DMD: variants seen among roughly 807,000 people sequenced by gnomAD.
DMD encodes the protein mutant dystrophin.
A neutral mutation model predicts 330.1 loss-of-function variants in DMD; 63 were observed. The observed-to-expected ratio is 0.19, with a 90% confidence interval of 0.16 to 0.24. The LOEUF (loss-of-function observed/expected upper bound fraction) is 0.24. DMD is among the 10% of genes least tolerant of loss of function. The pLI is 1.00. For synonymous variants in DMD, 1,223 were observed against 959.8 expected (o/e 1.27, Z -5.07); for missense variants, 3,344 against 2,684.1 (o/e 1.25, Z -5.43).
chrX:32,492,433 C>T (rs867522473), intron 19 of DMD, among the ~76,000 whole-genome samples: 1 of 112,422 alleles, frequency 8.9e-6, no homozygotes, highest in Non-Finnish European at 1.9e-5. Flanking sequence ...AGAAGTTGAT[C>T]TCAAAGTTTT....
At chrX:32,516,649 G>C (rs1249332622) in intron 18 of DMD, 1 of 111,441 alleles carries the variant, frequency 9.0e-6, no homozygotes, top group South Asian at 3.7e-4. Context: ...TGCTAAAGGT[G>C]ATTCATACTT....
At chrX:32,974,716 G>C (rs930079996) in intron 2 of DMD, among the ~76,000 whole-genome samples, 1 of 111,498 alleles carries the variant, frequency 9.0e-6, no homozygotes, top group Non-Finnish European at 1.9e-5. Context: ...GATTCAACAA[G>C]TTTTATTGTG....
intron 9 of DMD, among the ~76,000 whole-genome samples, chrX:32,664,145 T>G (rs2061130519): frequency 1.8e-5 from 2 of 110,890 alleles, no homozygotes; most frequent in South Asian, 7.7e-4. Flanking sequence ...GCTATTTCAC[T>G]AATTTAGACC....
At chrX:32,797,532 C>T (rs2076263159) in intron 7 of DMD, among the ~76,000 whole-genome samples, 1 of 112,424 alleles carries the variant, frequency 8.9e-6, no homozygotes, top group Non-Finnish European at 1.9e-5. Context: ...CTATAGAACA[C>T]TTTTCTGAAT....
chrX:32,647,604 T>G (rs1485641198), intron 9 of DMD, among the ~76,000 whole-genome samples: 1 of 112,067 alleles, frequency 8.9e-6, no homozygotes, highest in East Asian at 2.8e-4. Context: ...ATCTTGTGAC[T>G]TTGGGAGTTA....
At chrX:32,457,748 G>C (rs996425429) in intron 25 of DMD, among the ~76,000 whole-genome samples, 1 of 109,892 alleles carries the variant, frequency 9.1e-6, no homozygotes, top group Admixed American at 9.8e-5. Context: ...TTAGAGATCT[G>C]ACGAAAGAGA....
chrX:31,952,186 T>G (rs767671396), intron 45 of DMD, among the ~76,000 whole-genome samples: 1 of 111,554 alleles, frequency 9.0e-6, no homozygotes, highest in African/African-American at 3.2e-5. Flanking sequence ...ACTCTTATGT[T>G]TTAGGGTATT....
At chrX:32,741,467 G>A (rs555242970) in intron 7 of DMD, among the ~76,000 whole-genome samples, 8 of 111,415 alleles carry the variant, frequency 7.2e-5, no homozygotes, top group African/African-American at 2.6e-4. Flanking sequence ...GCCAGACTTG[G>A]CACATATATT....
At chrX:32,640,813 C>A (rs1379048154) in intron 11 of DMD, among the ~76,000 whole-genome samples, 1 of 111,253 alleles carries the variant, frequency 9.0e-6, no homozygotes, top group Admixed American at 9.6e-5. Flanking sequence ...CTTGACCTAT[C>A]TCTCACCTAC....
chrX:31,127,325 A>G (rs148455168), intron 77 of DMD, among the ~76,000 whole-genome samples: 1 of 112,260 alleles, frequency 8.9e-6, no homozygotes, highest in East Asian at 2.8e-4. Flanking sequence ...CAATTCAGCA[A>G]ATATCAGGAG....
chrX:32,793,851 C>T (rs965239447), intron 7 of DMD, among the ~76,000 whole-genome samples: 8 of 110,979 alleles, frequency 7.2e-5, no homozygotes, highest in African/African-American at 2.6e-4. Flanking sequence ...GTAAGTGTTC[C>T]AAGAAAAATT....
chrX:31,145,912 C>T (rs2036635165), intron 76 of DMD, among the ~76,000 whole-genome samples: 1 of 112,105 alleles, frequency 8.9e-6, no homozygotes, highest in Non-Finnish European at 1.9e-5. Flanking sequence ...CCGCCCACCT[C>T]ACCCTCCCAA....
intron 2 of DMD, among the ~76,000 whole-genome samples, chrX:32,975,426 C>T (rs1242167295): frequency 2.0e-5 from 2 of 98,107 alleles, no homozygotes; most frequent in African/African-American, 7.8e-5. Context: ...AAATCAACTG[C>T]ATGAGGGTCT....
chrX:32,150,642 C>T (rs1229374928), intron 44 of DMD, among the ~76,000 whole-genome samples: 2 of 111,340 alleles, frequency 1.8e-5, no homozygotes, highest in Non-Finnish European at 3.8e-5. Context: ...TTTGCTATCA[C>T]ATATGAGATG....
At chrX:32,464,544 T>G in intron 24 of DMD, 42 bp downstream of exon 24, 1 of 993,831 alleles carries the variant, frequency 1.0e-6, no homozygotes. Context: ...ATAATATTCA[T>G]ACAAAATTAT....
chrX:33,202,278 A>G (rs1022460271), intron 1 of DMD, among the ~76,000 whole-genome samples: 2 of 111,704 alleles, frequency 1.8e-5, no homozygotes, highest in African/African-American at 3.3e-5. Flanking sequence ...TGACTGGTTA[A>G]GAATCTTTAA....
At chrX:33,316,258 T>C (rs1033930903) in intron 1 of DMD, among the ~76,000 whole-genome samples, 19 of 110,455 alleles carry the variant, frequency 1.7e-4, no homozygotes, top group South Asian at 7.8e-4. Context: ...CTCCAACAAT[T>C]CAATATCAAT....
At chrX:31,514,042 T>C (rs1254844008) in intron 55 of DMD, among the ~76,000 whole-genome samples, 1 of 111,825 alleles carries the variant, frequency 8.9e-6, no homozygotes, top group African/African-American at 3.2e-5. Context: ...ATAATGCTAC[T>C]ACCTAAATTT....
chrX:32,598,475 T>C (rs1375061885), intron 12 of DMD, among the ~76,000 whole-genome samples: 1 of 111,942 alleles, frequency 8.9e-6, no homozygotes, highest in Non-Finnish European at 1.9e-5. Context: ...ATAAGTTGGT[T>C]TTCTGAATTT....
Sources: allele counts gnomAD v4.1 joint callset (sites outside exome capture counted in the v4.1 genomes callset), GRCh38; gene constraint gnomAD v4.1.1; transcripts MANE v1.5; gene names NCBI Gene and HGNC (gene_info 2026-07-23, HGNC 2026-07-21).